The following PGRMC2 variants were observed in gnomAD, a reference collection of about 807,000 sequenced individuals.
The protein encoded by PGRMC2 is progesterone receptor membrane component 2.
A neutral mutation model predicts 19.3 loss-of-function variants in PGRMC2; 9 were observed. The observed-to-expected ratio is 0.47, with a 90% CI of 0.28 to 0.81. The LOEUF (loss-of-function observed/expected upper bound fraction) is 0.81, where lower values mean the gene tolerates loss of function less well. Among genes scored for constraint, PGRMC2 ranks in the 40% least tolerant of loss-of-function variants. The pLI, the probability that PGRMC2 is intolerant of heterozygous loss-of-function variation, is 0.11. For synonymous variants in PGRMC2, 157 were observed against 124.6 expected, an observed-to-expected ratio of 1.26 and a Z score of -1.73; for missense variants, 289 against 297.3, an observed-to-expected ratio of 0.97 and a Z score of 0.21.
At chr4:128,275,835 C>A (rs887268436) in intron 1 of PGRMC2, among the ~76,000 whole-genome samples, 1 of 152,208 alleles carries the variant, frequency 6.6e-6, no homozygotes, top group Non-Finnish European at 1.5e-5. Flanking sequence ...AAGTAATCCT[C>A]CTGCCCTAAC....
chr4:128,283,637 T>C (rs1760940807), intron 1 of PGRMC2, among the ~76,000 whole-genome samples: 1 of 150,370 alleles, frequency 6.7e-6, no homozygotes, highest in South Asian at 2.1e-4. Flanking sequence ...TTTTGGGCAG[T>C]ATAACATAAA....
intron 1 of PGRMC2, among the ~76,000 whole-genome samples, chr4:128,280,334 G>GT (rs1474534083): frequency 1.3e-5 from 1 of 77,788 alleles, no homozygotes; most frequent in African/African-American, 5.1e-5. Flanking sequence ...GAGGCAATAA[G>GT]TAACAGCAAA....
rs1244040987 is a variant in PGRMC2, at chr4:128,271,346, T to C, written c.642A>G (p.Glu214=). ...CCTGTTTATTGTGATCCTTGGTATCTTCTTCATCTGTATATTCTGATGGTT... is the reference window on the plus strand; with the variant it reads ...CCTGTTTATTGTGATCCTTGGTATCCTCTTCATCTGTATATTCTGATGGTT... ...GEEPSEYTDE[E]DTKDHNKQD Residue 214 remains glutamate (E), a synonymous_variant, in exon 3 of 3, where the codon GAA becomes GAG. Transcript: ENST00000296425. 5.0e-6 allele frequency: 8 copies of C among 1,604,124 alleles called. No homozygotes were observed. The highest frequency in any genetic ancestry group is 6.0e-6 in the Non-Finnish European group (7 of 1,171,430).
rs1276757624 is a variant in PGRMC2 at position 128,270,769 on chromosome 4, C to T, written c.*547G>A. 6.6e-6 allele frequency: 1 copy of T among 152,074 alleles called. No homozygotes were observed. The highest frequency in any genetic ancestry group is 1.5e-5 in the Non-Finnish European group (1 of 68,016). The allele number at this position is 152,074 out of a possible 1,614,324, so 9.4% of individuals were successfully genotyped here. ...GATATTTTTCTTTTCCCTGACAAAG[C>T]CAAAAAGAAAAGTTTGGGAATTCAC... On this transcript the variant is annotated 3_prime_UTR_variant, in exon 3 of 3. Transcript: ENST00000296425.
chr4:128,283,129 T>C (rs932518737), intron 1 of PGRMC2, among the ~76,000 whole-genome samples: 12 of 152,252 alleles, frequency 7.9e-5, no homozygotes, highest in African/African-American at 2.9e-4. Flanking sequence ...AAAGTTCCAT[T>C]GCAGTAATAT....
rs920153521 is a variant in PGRMC2 at position 128,270,304 on chromosome 4, A to T, written c.*1012T>A. The T allele has an allele frequency of 2.0e-5, 3 of 152,626 alleles. No homozygotes were observed. The highest frequency in any genetic ancestry group is 2.9e-5 in the Non-Finnish European group (2 of 68,018). The allele number at this position is 152,626 out of a possible 1,614,324, so 9.5% of individuals were successfully genotyped here. A position where few individuals can be genotyped will look rare whatever the true frequency, so the allele number is the denominator to read the frequency against. On this transcript the variant is annotated 3_prime_UTR_variant, in exon 3 of 3. Coordinates refer to ENST00000296425, the MANE Select transcript of PGRMC2 (RefSeq NM_006320.6). The stretch of plus-strand genomic sequence containing the variant: ...AGATGTGGAGGGTCAGACTCCTAAA[A>T]TTAGGCAGCTGTTGGGGATAAGAGT...
intron 1 of PGRMC2, among the ~76,000 whole-genome samples, chr4:128,274,672 A>C (rs1207259026): frequency 6.6e-6 from 1 of 152,092 alleles, no homozygotes; most frequent in Non-Finnish European, 1.5e-5. Flanking sequence ...AAAAATAAAA[A>C]TTTCTAAGAA....
chr4:128,285,873 A>G (rs1760975269), intron 1 of PGRMC2, among the ~76,000 whole-genome samples: 1 of 152,216 alleles, frequency 6.6e-6, no homozygotes, highest in Non-Finnish European at 1.5e-5. Flanking sequence ...CCTTGTGTTC[A>G]CATTTATGTA....
chr4:128,280,700 C>G (rs1342183363), intron 1 of PGRMC2, among the ~76,000 whole-genome samples: 3 of 152,000 alleles, frequency 2.0e-5, no homozygotes, highest in Non-Finnish European at 1.5e-5. Context: ...TGGGCTCAAG[C>G]GATCTTAATA....
chr4:128,276,775 C>T (rs1760821100), intron 1 of PGRMC2, among the ~76,000 whole-genome samples: 1 of 152,098 alleles, frequency 6.6e-6, no homozygotes, highest in Admixed American at 6.5e-5. Flanking sequence ...AAACAGCCTC[C>T]CAATTTTAAG....
chr4:128,276,173 T>C (rs1051591630), intron 1 of PGRMC2, among the ~76,000 whole-genome samples: 2 of 152,234 alleles, frequency 1.3e-5, no homozygotes, highest in Non-Finnish European at 2.9e-5. Flanking sequence ...CAGCAATACC[T>C]TCCCATTCCG....
chr4:128,287,263 C>T (rs1302937192), intron 1 of PGRMC2, 110 bp downstream of exon 1: 1 of 1,305,054 alleles, frequency 7.7e-7, no homozygotes, highest in Non-Finnish European at 1.0e-6. Flanking sequence ...GCGGGGGTCC[C>T]GGAGACGAGA....
At position 128,269,814 on chromosome 4, in the gene PGRMC2, T is replaced by C. The variant is rs1760699104; in HGVS notation, c.*1502A>G. 6.6e-6 allele frequency: 1 copy of C among 152,238 alleles called. No homozygotes were observed. Among genetic ancestry groups the C allele is most frequent in the South Asian group, 2.1e-4 (1 of 4,834 alleles). The allele number at this position is 152,238 out of a possible 1,614,324, so 9.4% of individuals were successfully genotyped here. ...AATAATTTAGTATCTATCAGTGCAA[T>C]ATTCTTTTACTGTTTTGTGTTCAAT... On this transcript the variant is annotated 3_prime_UTR_variant, in exon 3 of 3. Transcript: ENST00000296425.
chr4:128,273,866 G>A lies in PGRMC2; in HGVS notation c.419-1349C>T, dbSNP rs76803534. 4.1e-3 allele frequency among the ~76,000 whole-genome samples: 621 copies of A among 152,292 alleles called. 2 individuals are homozygous for A. Among genetic ancestry groups the A allele is most frequent in the Non-Finnish European group, 6.0e-3 (406 of 68,024 alleles). On this transcript the variant is annotated intron_variant, in intron 1 of 2. Transcript: ENST00000296425. ...CATTCTCTGAAAAGTTTACTGCATG[G>A]AACTAGAAGTAGCATTAGCAATAAT... is the stretch of plus-strand genomic sequence containing the variant.
At position 128,287,479 on chromosome 4, in the gene PGRMC2, G is replaced by A. The variant is rs1221828682; in HGVS notation, c.312C>T (p.Ser104=). The change falls in exon 1 of 3, where the codon AGC becomes AGT. Residue 104 remains serine (S), a synonymous_variant. Transcript: ENST00000296425. ...CGTCGTACTGGCGCAGCTGCTCCAA[G>A]CTGAAGTCCCGCTTCTTCATGCGAG... ...SLPRMKKRDF[S]LEQLRQYDGS... is the part of the protein sequence containing the mutation. 3.7e-6 allele frequency: 6 copies of A among 1,613,756 alleles called. No individual in the cohort carries two copies. Among genetic ancestry groups the A allele is most frequent in the Non-Finnish European group, 5.1e-6 (6 of 1,179,794 alleles).
chr4:128,280,787 C>CA (rs769433371), intron 1 of PGRMC2, among the ~76,000 whole-genome samples: 36 of 152,142 alleles, frequency 2.4e-4, no homozygotes, highest in Admixed American at 4.6e-4. Flanking sequence ...TTGTAAGAGA[C>CA]AGAGTCTCGC....
At chr4:128,273,241 A>C (rs1300870742) in intron 1 of PGRMC2, among the ~76,000 whole-genome samples, 1 of 152,226 alleles carries the variant, frequency 6.6e-6, no homozygotes, top group African/African-American at 2.4e-5. Flanking sequence ...GGAAGTAGCT[A>C]TAAGGAATAA....
intron 1 of PGRMC2, among the ~76,000 whole-genome samples, chr4:128,285,183 T>A (rs890269928): frequency 2.6e-5 from 4 of 152,132 alleles, no homozygotes; most frequent in Admixed American, 2.6e-4. Context: ...TGGAGTGCAA[T>A]GGCGCAATCT....
chr4:128,280,167 TA>T (rs1306521438), intron 1 of PGRMC2, among the ~76,000 whole-genome samples: 1 of 151,696 alleles, frequency 6.6e-6, no homozygotes, highest in Non-Finnish European at 1.5e-5. Flanking sequence ...AGTGGGCACA[TA>T]TAACAGATAC....
Sources: gnomAD v4.1 joint callset for allele counts (sites outside exome capture counted in the v4.1 genomes callset) on GRCh38, gnomAD v4.1.1 for gene constraint, MANE v1.5 for transcripts, NCBI Gene and HGNC (gene_info 2026-07-23, HGNC 2026-07-21) for gene names.